Variants in PTGR2 observed in about 807,000 individuals in gnomAD.
PTGR2 encodes 15-oxoprostaglandin 13-reductase.
A neutral mutation model predicts 43.4 loss-of-function variants in PTGR2; 32 were observed. The observed-to-expected ratio is 0.74, with a 90% CI of 0.56 to 0.99. The LOEUF (loss-of-function observed/expected upper bound fraction) is 0.99. PTGR2 is among the 50% of genes least tolerant of loss of function. The pLI, the probability that PTGR2 is intolerant of heterozygous loss-of-function variation, is 0.00. For missense variants in PTGR2, 373 were observed against 420.0 expected (o/e 0.89, Z 0.98); for synonymous variants, 106 against 139.2 (o/e 0.76, Z 1.68).
At chr14:73,874,471 T>C (rs1213175850) in intron 4 of PTGR2, 2 of 510,452 alleles carry the variant, frequency 3.9e-6, no homozygotes, top group Non-Finnish European at 7.3e-6. Context: ...AGAAAAACCA[T>C]TTTAATTCAT....
rs772969104 is a variant in PTGR2, at chr14:73,885,345, C to G, written c.*1168C>G. 1.3e-5 allele frequency: 2 copies of G among 152,090 alleles called. No homozygotes were observed. The highest frequency in any genetic ancestry group is 2.9e-5 in the Non-Finnish European group (2 of 68,010). The allele number at this position is 152,090 out of a possible 1,614,324, so 9.4% of individuals were successfully genotyped here. On this transcript the variant is annotated 3_prime_UTR_variant, in exon 10 of 10. Coordinates refer to ENST00000555661, the MANE Select transcript of PTGR2 (RefSeq NM_001146154.2). ...AGTTTCAGAAAATGACAGGACTGGG[C>G]AAATTAACAAATGTTTGTAAACATG...
intron 1 of PTGR2, among the ~76,000 whole-genome samples, chr14:73,856,621 C>T (rs976628778): frequency 2.6e-5 from 4 of 152,168 alleles, no homozygotes; most frequent in African/African-American, 4.8e-5. Flanking sequence ...TACTTACCAT[C>T]GTGTTCCAGT....
chr14:73,879,946 G>C, intron 6 of PTGR2, 109 bp from the exon 7 acceptor site: 1 of 1,056,594 alleles, frequency 9.5e-7, no homozygotes. Flanking sequence ...AAAAAAAATC[G>C]AACTAGTTGA....
chr14:73,878,361 T>C (rs780813076), intron 5 of PTGR2: 1 of 150,008 alleles, frequency 6.7e-6, no homozygotes, highest in Non-Finnish European at 1.5e-5. Flanking sequence ...TAAATTTAAT[T>C]ATTATTCTTT....
At chr14:73,883,026 G>A (rs1188296648) in intron 9 of PTGR2, among the ~76,000 whole-genome samples, 4 of 147,952 alleles carry the variant, frequency 2.7e-5, no homozygotes, top group Non-Finnish European at 6.0e-5. Flanking sequence ...TCAACATATT[G>A]GCCAGGCTGG....
At chr14:73,859,214 T>G (rs991768238) in intron 2 of PTGR2, among the ~76,000 whole-genome samples, 1 of 152,130 alleles carries the variant, frequency 6.6e-6, no homozygotes, top group African/African-American at 2.4e-5. Flanking sequence ...CTTTAGAGTA[T>G]GTTATTATTG....
chr14:73,869,554 A>G lies in PTGR2; in HGVS notation c.157-4469A>G, dbSNP rs142216398. On this transcript the variant is annotated intron_variant, in intron 3 of 9. Coordinates refer to ENST00000555661, the MANE Select transcript of PTGR2 (RefSeq NM_001146154.2). ...ATGCCACTGCACTCCAGCCTGGGCA[A>G]CAGAGTGAGACCGTGCCTCAAAAAA... Among the ~76,000 whole-genome samples the G allele has an allele frequency of 7.1e-3, 1,071 of 151,300 alleles. 7 individuals carry two copies. The highest frequency in any genetic ancestry group is 0.025 in the African/African-American group (1,025 of 41,194).
At chr14:73,856,024 C>A (rs2054337128) in intron 1 of PTGR2, among the ~76,000 whole-genome samples, 1 of 151,194 alleles carries the variant, frequency 6.6e-6, no homozygotes, top group Admixed American at 6.6e-5. Context: ...CCACTGCACT[C>A]CAGCCTGGGC....
chr14:73,853,749 A>G (rs1026297794), intron 1 of PTGR2, among the ~76,000 whole-genome samples: 2 of 152,000 alleles, frequency 1.3e-5, no homozygotes, highest in African/African-American at 4.8e-5. Context: ...GCATTTAGGA[A>G]TATTAAGGAA....
chr14:73,858,534 C>T (rs1452645823), intron 1 of PTGR2: 1 of 230,416 alleles, frequency 4.3e-6, no homozygotes, highest in Non-Finnish European at 8.8e-6. Flanking sequence ...GACTGGGCAA[C>T]AGAGCGAGAC....
intron 8 of PTGR2, among the ~76,000 whole-genome samples, chr14:73,882,046 T>C (rs1490537612): frequency 6.6e-6 from 1 of 151,868 alleles, no homozygotes; most frequent in Non-Finnish European, 1.5e-5. Context: ...CCTCCCAAAG[T>C]GCTGGGATTA....
At chr14:73,857,633 T>G (rs924264008) in intron 1 of PTGR2, among the ~76,000 whole-genome samples, 1 of 147,880 alleles carries the variant, frequency 6.8e-6, no homozygotes, top group African/African-American at 2.5e-5. Flanking sequence ...AAAAAAAATT[T>G]TTTTGATTAC....
At chr14:73,859,695 T>C (rs775430128) in intron 2 of PTGR2, among the ~76,000 whole-genome samples, 1 of 151,918 alleles carries the variant, frequency 6.6e-6, no homozygotes, top group Non-Finnish European at 1.5e-5. Flanking sequence ...ATTACTTTTA[T>C]ATTCATTTAA....
chr14:73,873,491 G>A (rs1404998135), intron 3 of PTGR2, among the ~76,000 whole-genome samples: 3 of 146,528 alleles, frequency 2.0e-5, no homozygotes, highest in South Asian at 2.2e-4. Context: ...ACGGAGTTTC[G>A]CTCTTGTTGC....
At chr14:73,867,944 C>G (rs1328678214) in intron 3 of PTGR2, among the ~76,000 whole-genome samples, 1 of 152,140 alleles carries the variant, frequency 6.6e-6, no homozygotes, top group African/African-American at 2.4e-5. Flanking sequence ...TAATGGCTTC[C>G]CATTAGTTTT....
intron 4 of PTGR2, among the ~76,000 whole-genome samples, chr14:73,875,016 G>A (rs1024695410): frequency 1.3e-5 from 2 of 151,996 alleles, no homozygotes; most frequent in African/African-American, 4.8e-5. Context: ...GCACCACCAC[G>A]CCCAGCTAAT....
At chr14:73,864,899 A>G (rs1259520414) in intron 3 of PTGR2, among the ~76,000 whole-genome samples, 1 of 152,184 alleles carries the variant, frequency 6.6e-6, no homozygotes, top group East Asian at 1.9e-4. Context: ...ATGAAGATTT[A>G]GTCGTATATT....
At chr14:73,861,672 G>T (rs1249413365) in intron 3 of PTGR2, 1 of 152,098 alleles carries the variant, frequency 6.6e-6, no homozygotes. Context: ...GGAGGTTGAG[G>T]CTGCATTGAG....
At chr14:73,868,287 T>C (rs1371648161) in intron 3 of PTGR2, among the ~76,000 whole-genome samples, 1 of 150,810 alleles carries the variant, frequency 6.6e-6, no homozygotes, top group Non-Finnish European at 1.5e-5. Flanking sequence ...AGACTCTGTC[T>C]CAAAAAAAAA....
Sources: gnomAD v4.1 joint callset for allele counts (sites outside exome capture counted in the v4.1 genomes callset) on GRCh38, gnomAD v4.1.1 for gene constraint, MANE v1.5 for transcripts, NCBI Gene and HGNC (gene_info 2026-07-23, HGNC 2026-07-21) for gene names.